The following SYNDIG1 variants were observed in gnomAD, a reference collection of about 807,000 sequenced individuals.
The protein encoded by SYNDIG1 is synapse differentiation inducing 1.
Under a neutral mutation model 19.4 loss-of-function variants are expected in SYNDIG1, and 9 were observed. The ratio of observed to expected loss-of-function variants is 0.46; its 90% CI spans 0.28 to 0.81. The LOEUF is 0.81. SYNDIG1 is among the 30% of genes least tolerant of loss of function. The pLI is 0.12. For missense variants in SYNDIG1, 311 were observed against 343.3 expected (o/e 0.91, Z 0.74); for synonymous variants, 141 against 145.9 (o/e 0.97, Z 0.24).
intron 3 of SYNDIG1, among the ~76,000 whole-genome samples, chr20:24,638,211 C>G (rs1322465612): frequency 6.6e-6 from 1 of 152,126 alleles, no homozygotes; most frequent in Non-Finnish European, 1.5e-5. Flanking sequence ...CAGTGCAGGG[C>G]TGAGAAGGAC....
chr20:24,569,304 G>A (rs997882262), intron 2 of SYNDIG1, among the ~76,000 whole-genome samples: 9 of 152,144 alleles, frequency 5.9e-5, no homozygotes, highest in Non-Finnish European at 7.4e-5. Flanking sequence ...GCTTTTCCTC[G>A]CTCAAAGGGG....
Position 24,630,791 on chromosome 20 carries a change from C to G in SYNDIG1, c.619-34555C>G, listed in dbSNP as rs144402156. Among the ~76,000 whole-genome samples the G allele has an allele frequency of 7.5e-4, 114 of 152,360 alleles. 2 individuals are homozygous for G. In the East Asian group the frequency reaches 0.02, roughly 26 times the overall value. On this transcript the variant is annotated intron_variant, in intron 3 of 3. Transcript: ENST00000376862. ...GGAACCCTGCCTCTCTGCCATTGCC[C>G]CTCTACAAGAACCCTGAGTTATAGA...
At chr20:24,473,807 TC>T (rs1357296692) in intron 1 of SYNDIG1, among the ~76,000 whole-genome samples, 1 of 152,230 alleles carries the variant, frequency 6.6e-6, no homozygotes, top group Non-Finnish European at 1.5e-5. Flanking sequence ...GTGTCCTCAA[TC>T]CAGTGTCTTT....
At chr20:24,491,693 C>T (rs1052096939) in intron 1 of SYNDIG1, 1 of 152,290 alleles carries the variant, frequency 6.6e-6, no homozygotes, top group African/African-American at 2.4e-5. Context: ...GAAAATCCAA[C>T]TGTAACACCA....
intron 1 of SYNDIG1, among the ~76,000 whole-genome samples, chr20:24,496,001 C>T (rs1290781596): frequency 1.3e-5 from 2 of 152,038 alleles, no homozygotes; most frequent in Admixed American, 6.6e-5. Context: ...CCTGCCACCA[C>T]GCCTGGCTAA....
At chr20:24,619,269 T>A (rs777400980) in intron 3 of SYNDIG1, among the ~76,000 whole-genome samples, 9 of 152,212 alleles carry the variant, frequency 5.9e-5, no homozygotes, top group Non-Finnish European at 1.2e-4. Flanking sequence ...ATAACAAGGA[T>A]CTGGACTGGC....
intron 3 of SYNDIG1, among the ~76,000 whole-genome samples, chr20:24,636,204 T>C (rs2059313815): frequency 6.6e-6 from 1 of 152,206 alleles, no homozygotes; most frequent in South Asian, 2.1e-4. Flanking sequence ...TTAACTTCTT[T>C]TCATCATGCA....
chr20:24,613,374 G>A (rs1004577594), intron 3 of SYNDIG1, among the ~76,000 whole-genome samples: 19 of 152,122 alleles, frequency 1.2e-4, no homozygotes, highest in Middle Eastern at 3.2e-3. Flanking sequence ...CTGTCCTGCC[G>A]TCTCCCTGAA....
At chr20:24,485,290 T>A (rs934925201) in intron 1 of SYNDIG1, among the ~76,000 whole-genome samples, 14 of 152,244 alleles carry the variant, frequency 9.2e-5, no homozygotes, top group Non-Finnish European at 1.6e-4. Flanking sequence ...TATTGTTCTT[T>A]AAAAGTATCT....
intron 1 of SYNDIG1, among the ~76,000 whole-genome samples, chr20:24,501,404 G>T (rs1271092600): frequency 6.6e-6 from 1 of 152,194 alleles, no homozygotes; most frequent in Non-Finnish European, 1.5e-5. Flanking sequence ...GGATTCCATG[G>T]ATCGAATCTG....
At chr20:24,627,586 C>T (rs1409146164) in intron 3 of SYNDIG1, among the ~76,000 whole-genome samples, 3 of 152,234 alleles carry the variant, frequency 2.0e-5, no homozygotes, top group Non-Finnish European at 4.4e-5. Flanking sequence ...AAACATTCTC[C>T]GTAGTGCATC....
Position 24,624,034 on chromosome 20 carries a change from C to T in SYNDIG1, c.618+39041C>T, listed in dbSNP as rs12626131. Reference sequence around the variant, plus strand: ...TCCCAGCACTTTGGGAGGCCAAGGCCGACGAATCACGAAGTCAGGAGATCA... The same window carrying T: ...TCCCAGCACTTTGGGAGGCCAAGGCTGACGAATCACGAAGTCAGGAGATCA... On this transcript the variant is annotated intron_variant, in intron 3 of 3. Transcript: ENST00000376862. 3.6e-3 allele frequency among the ~76,000 whole-genome samples: 543 copies of T among 151,932 alleles called. 13 individuals are homozygous for T. In the East Asian group the frequency reaches 0.066, roughly 18 times the overall value.
At chr20:24,663,454 C>T (rs569373780) in intron 3 of SYNDIG1, among the ~76,000 whole-genome samples, 1 of 152,274 alleles carries the variant, frequency 6.6e-6, no homozygotes, top group African/African-American at 2.4e-5. Flanking sequence ...CAAGAGTCAG[C>T]CCCGTGCCAC....
intron 1 of SYNDIG1, chr20:24,495,590 G>C (rs905547031): frequency 6.6e-6 from 1 of 152,294 alleles, no homozygotes; most frequent in Non-Finnish European, 1.5e-5. Context: ...AATGTGCATA[G>C]CTGGAACAAA....
rs529170991 is a variant in SYNDIG1, at chr20:24,568,615, A to G, written c.481-16241A>G. ...GCCAGCGGCCAAACCAATGAGAGGTATGGCGCACATTGTCCTGATCACCTC... is the reference window on the plus strand; with the variant it reads ...GCCAGCGGCCAAACCAATGAGAGGTGTGGCGCACATTGTCCTGATCACCTC... On this transcript the variant is annotated intron_variant, in intron 2 of 3. Transcript: ENST00000376862. Among the ~76,000 whole-genome samples, 12 of 152,360 alleles carry G rather than the reference A, an allele frequency of 7.9e-5. No homozygotes were observed. The South Asian group carries it at 2.3e-3, about 29-fold the overall frequency.
chr20:24,634,553 A>G (rs2059295908), intron 3 of SYNDIG1, among the ~76,000 whole-genome samples: 1 of 152,166 alleles, frequency 6.6e-6, no homozygotes, highest in Non-Finnish European at 1.5e-5. Flanking sequence ...ATTTTCAACA[A>G]TCTGATAGAT....
chr20:24,633,608 G>C (rs149631836), intron 3 of SYNDIG1, among the ~76,000 whole-genome samples: 3 of 152,080 alleles, frequency 2.0e-5, no homozygotes, highest in African/African-American at 7.2e-5. Flanking sequence ...TTTCCAGTTC[G>C]CAAGGGCTGG....
chr20:24,534,927 C>T (rs571196954), intron 1 of SYNDIG1, among the ~76,000 whole-genome samples: 117 of 152,310 alleles, frequency 7.7e-4, no homozygotes, highest in African/African-American at 2.6e-3. Context: ...TTAGGACTTG[C>T]GGCCACCTCT....
At chr20:24,515,938 A>G (rs1180079905) in intron 1 of SYNDIG1, among the ~76,000 whole-genome samples, 1 of 152,206 alleles carries the variant, frequency 6.6e-6, no homozygotes, top group Non-Finnish European at 1.5e-5. Flanking sequence ...ACTTCAAACT[A>G]TACTACAAGG....
Sources: allele counts gnomAD v4.1 joint callset (sites outside exome capture counted in the v4.1 genomes callset), GRCh38; gene constraint gnomAD v4.1.1; transcripts MANE v1.5; gene names NCBI Gene and HGNC (gene_info 2026-07-23, HGNC 2026-07-21).